The following SLCO1A2 variants were observed in gnomAD, a reference collection of about 807,000 sequenced individuals.
The protein encoded by SLCO1A2 is OATP-1.
A neutral mutation model predicts 69.0 loss-of-function variants in SLCO1A2; 67 were observed. That is an observed-to-expected ratio of 0.97 (90% confidence interval 0.80 to 1.19). The LOEUF is 1.19. Among genes scored for constraint, SLCO1A2 ranks in the 50% most tolerant of loss-of-function variants. SLCO1A2 has a pLI of 0.00. For missense variants in SLCO1A2, 787 were observed against 793.7 expected, an observed-to-expected ratio of 0.99 and a Z score of 0.10; for synonymous variants, 260 against 265.9, an observed-to-expected ratio of 0.98 and a Z score of 0.22.
chr12:21,349,540 C>G (rs780587144), intron 2 of SLCO1A2, among the ~76,000 whole-genome samples: 1 of 152,174 alleles, frequency 6.6e-6, no homozygotes, highest in Non-Finnish European at 1.5e-5. Flanking sequence ...GTACTCAATT[C>G]TCAAACTTCA....
intron 1 of SLCO1A2, among the ~76,000 whole-genome samples, chr12:21,388,984 G>A (rs1000902160): frequency 6.6e-6 from 1 of 152,140 alleles, no homozygotes; most frequent in Non-Finnish European, 1.5e-5. Context: ...ATGCTTAAAT[G>A]TGACTATTTT....
intron 1 of SLCO1A2, among the ~76,000 whole-genome samples, chr12:21,404,679 T>C (rs1239389290): frequency 6.6e-6 from 1 of 152,200 alleles, no homozygotes; most frequent in African/African-American, 2.4e-5. Flanking sequence ...CTATTGTGAA[T>C]AGTGCTGCAA....
At chr12:21,370,669 A>C (rs1298138962) in intron 2 of SLCO1A2, among the ~76,000 whole-genome samples, 1 of 152,150 alleles carries the variant, frequency 6.6e-6, no homozygotes. Flanking sequence ...TTAGAGAAAC[A>C]AAAAAGGTTA....
At chr12:21,397,111 C>G (rs2137177580), upstream of SLCO1A2, among the ~76,000 whole-genome samples, 1 of 152,094 alleles carries the variant, frequency 6.6e-6, no homozygotes, top group East Asian at 1.9e-4. Flanking sequence ...CATCAGTGTG[C>G]AGTATTCGGG....
chr12:21,321,306 A>C (rs192290687), intron 2 of SLCO1A2, among the ~76,000 whole-genome samples: 3 of 152,252 alleles, frequency 2.0e-5, no homozygotes, highest in African/African-American at 7.2e-5. Context: ...TAGGAAGTTC[A>C]TGCTCATCCA....
intron 1 of SLCO1A2, among the ~76,000 whole-genome samples, chr12:21,401,035 A>T (rs1357747271): frequency 6.8e-6 from 1 of 146,806 alleles, no homozygotes; most frequent in Non-Finnish European, 1.5e-5. Flanking sequence ...AATAATAAAA[A>T]AAAAGACAAA....
chr12:21,364,743 T>A (rs1367765566), intron 2 of SLCO1A2, among the ~76,000 whole-genome samples: 1 of 152,144 alleles, frequency 6.6e-6, no homozygotes. Context: ...AGCATTCCTA[T>A]ACACCAATAA....
At chr12:21,354,856 C>A (rs1591873866) in intron 2 of SLCO1A2, 1 of 152,094 alleles carries the variant, frequency 6.6e-6, no homozygotes, top group South Asian at 2.1e-4. Context: ...TTGGCTCCTA[C>A]TTCTCAGTAT....
intron 1 of SLCO1A2, among the ~76,000 whole-genome samples, chr12:21,407,828 A>T (rs113442290): frequency 1.5e-5 from 2 of 130,160 alleles, no homozygotes; most frequent in Admixed American, 7.7e-5. Context: ...AATGAAAAAA[A>T]AAAAAAAAAG....
At chr12:21,381,893 T>C (rs769055601) in intron 1 of SLCO1A2, among the ~76,000 whole-genome samples, 8 of 152,238 alleles carry the variant, frequency 5.3e-5, no homozygotes, top group Non-Finnish European at 1.2e-4. Flanking sequence ...TGTAAATTAG[T>C]ACAACCTCTC....
At chr12:21,303,718 G>T (rs1364697579) in intron 6 of SLCO1A2, among the ~76,000 whole-genome samples, 2 of 152,152 alleles carry the variant, frequency 1.3e-5, no homozygotes, top group South Asian at 2.1e-4. Flanking sequence ...TGTTCCAGGT[G>T]ACCTACATGG....
chr12:21,303,111 A>G (rs1948922579), intron 6 of SLCO1A2, among the ~76,000 whole-genome samples: 1 of 152,234 alleles, frequency 6.6e-6, no homozygotes, highest in South Asian at 2.1e-4. Flanking sequence ...TACACACATG[A>G]ACACACACTA....
intron 1 of SLCO1A2, among the ~76,000 whole-genome samples, chr12:21,413,233 T>C (rs1941937351): frequency 2.9e-5 from 3 of 102,338 alleles, no homozygotes; most frequent in Middle Eastern, 5.7e-3. Context: ...TTCTTTTTCT[T>C]TTTCTTTTTT....
At position 21,275,335 on chromosome 12, in the gene SLCO1A2, TGTGGGAAAAAA is replaced by T; in HGVS notation, c.1675+14_1675+24del. 1 of 1,527,732 alleles carries T rather than the reference TGTGGGAAAAAA, an allele frequency of 6.5e-7. No individual in the cohort carries two copies. The highest frequency in any genetic ancestry group is 1.2e-5 in the South Asian group (1 of 81,926). The allele number at this position is 1,527,732 out of a possible 1,614,324, so 94.6% of individuals were successfully genotyped here. On this transcript the variant is annotated intron_variant, in intron 13 of 14. Coordinates refer to ENST00000683939, the MANE Select transcript of SLCO1A2 (RefSeq NM_001386879.1). ...TAATAATAATATTGTTCTGATAGGA[TGTGGGAAAAAA>T]TAACTATTTTTACCAAATACTCTTG...
chr12:21,329,978 A>C (rs1399960056), intron 2 of SLCO1A2, among the ~76,000 whole-genome samples: 1 of 152,008 alleles, frequency 6.6e-6, no homozygotes, highest in African/African-American at 2.4e-5. Flanking sequence ...TACTAAGGTC[A>C]TATGAATTAA....
At chr12:21,416,353 C>T (rs1317227405) in intron 1 of SLCO1A2, among the ~76,000 whole-genome samples, 4 of 109,368 alleles carry the variant, frequency 3.7e-5, no homozygotes, top group South Asian at 2.9e-4. Flanking sequence ...TATAGAATCT[C>T]GGGCACACAC....
chr12:21,300,273 T>C (rs1264681772), intron 8 of SLCO1A2, 75 bp downstream of exon 8: 2 of 1,070,364 alleles, frequency 1.9e-6, no homozygotes, highest in Non-Finnish European at 2.7e-6. Context: ...CATATCATAG[T>C]GTTAGACTAA....
At chr12:21,310,703 C>T (rs796154351) in intron 4 of SLCO1A2, among the ~76,000 whole-genome samples, 28 of 152,256 alleles carry the variant, frequency 1.8e-4, no homozygotes, top group African/African-American at 6.0e-4. Flanking sequence ...CCCGGGTTCA[C>T]GCCATTCTCC....
chr12:21,409,395 T>C (rs1388686601), intron 1 of SLCO1A2, among the ~76,000 whole-genome samples: 1 of 151,924 alleles, frequency 6.6e-6, no homozygotes, highest in Non-Finnish European at 1.5e-5. Context: ...GTAATTAGAG[T>C]TTTTACTGGA....
Sources: gnomAD v4.1 joint callset for allele counts (sites outside exome capture counted in the v4.1 genomes callset) on GRCh38, gnomAD v4.1.1 for gene constraint, MANE v1.5 for transcripts, NCBI Gene and HGNC (gene_info 2026-07-23, HGNC 2026-07-21) for gene names.